SHANK1: variants seen among roughly 807,000 people sequenced by gnomAD.
SHANK1 encodes the protein SH3 and multiple ankyrin repeat domains protein 1.
SHANK1 carries 35 observed loss-of-function variants against 165.6 expected under a neutral mutation model. The ratio of observed to expected loss-of-function variants is 0.21; its 90% CI spans 0.16 to 0.28. The LOEUF (loss-of-function observed/expected upper bound fraction) is 0.28, where lower values mean the gene tolerates loss of function less well. SHANK1 is among the 10% of genes least tolerant of loss of function. The pLI is 1.00. For missense variants in SHANK1, 2,681 were observed against 3,036.4 expected (o/e 0.88, Z 2.75); for synonymous variants, 1,428 against 1,384.8 (o/e 1.03, Z -0.69).
chr19:50,710,808 C>T (rs936858799), intron 8 of SHANK1, among the ~76,000 whole-genome samples: 12 of 152,374 alleles, frequency 7.9e-5, no homozygotes, highest in African/African-American at 2.6e-4. Flanking sequence ...CGTGCCGCCA[C>T]GTGGCACCTG....
Position 50,686,932 on chromosome 19 carries a change from A to C in SHANK1, c.2390-120T>G, listed in dbSNP as rs1386243611. On this transcript the variant is annotated intron_variant, in intron 19 of 23. Coordinates refer to ENST00000293441, the MANE Select transcript of SHANK1 (RefSeq NM_016148.5). This position sits in a 1 kb window ranked among gnomAD's most constrained non-coding sequence, Gnocchi z 5.7. ...TGGGCGTGGCGGGCGCGAGAGGGGCAGTGAGGGGCCGGGGTCAGGGAGGGG... is the reference window on the plus strand; with the variant it reads ...TGGGCGTGGCGGGCGCGAGAGGGGCCGTGAGGGGCCGGGGTCAGGGAGGGG... 8.0e-7 allele frequency: 1 copy of C among 1,255,828 alleles called. No homozygotes were observed. Among genetic ancestry groups the C allele is most frequent in the African/African-American group, 1.6e-5 (1 of 62,352 alleles). 77.8% of individuals were successfully genotyped at this position (1,255,828 alleles called of 1,614,324 possible).
chr19:50,678,048 T>G (rs7258816), intron 21 of SHANK1, among the ~76,000 whole-genome samples: 67,155 of 151,986 alleles, frequency 0.44, 15,145 homozygotes, highest in Admixed American at 0.54. Context: ...GTGAGCCATT[T>G]TACCTGCTAT....
chr19:50,716,097 G>A lies in SHANK1; in HGVS notation c.459+178C>T, dbSNP rs1477561570. ...AAGGCCACTTAGCTGGTCAGAAGCAGAACAGATGGTAATTTGAACTCAGGA... is the reference window on the plus strand; with the variant it reads ...AAGGCCACTTAGCTGGTCAGAAGCAAAACAGATGGTAATTTGAACTCAGGA... On this transcript the variant is annotated intron_variant, in intron 3 of 23. Coordinates refer to ENST00000293441, the MANE Select transcript of SHANK1 (RefSeq NM_016148.5). The surrounding 1 kb of genome is among the most constrained non-coding windows in gnomAD (Gnocchi z 8.4). Among the ~76,000 whole-genome samples the A allele has an allele frequency of 6.6e-6, 1 of 152,232 alleles. No homozygotes were observed. Among genetic ancestry groups the A allele is most frequent in the African/African-American group, 2.4e-5 (1 of 41,460 alleles).
chr19:50,687,902 C>T lies in SHANK1; in HGVS notation c.2308+21G>A, dbSNP rs753935234. The T allele has an allele frequency of 5.8e-5, 94 of 1,613,374 alleles. 1 individual carries two copies. The highest frequency in any genetic ancestry group is 4.8e-4 in the South Asian group (44 of 91,028). ...GAGCCTGGTGGCAGTGGGGTGGCTG[C>T]GAGAGTGGCCGCAGGAGCACCTTTC... is the stretch of plus-strand genomic sequence containing the variant. On this transcript the variant is annotated intron_variant, in intron 18 of 23. Transcript: ENST00000293441.
chr19:50,688,793 G>A lies in SHANK1; in HGVS notation c.2172+51C>T, dbSNP rs552853497. The stretch of plus-strand genomic sequence containing the variant: ...AGATCCTGGTGTGAATCATGAGGGG[G>A]TCTGGGAACTTGTCACAGGGTCCCA... On this transcript the variant is annotated intron_variant, in intron 17 of 23. Transcript: ENST00000293441. The surrounding 1 kb of genome is among the most constrained non-coding windows in gnomAD (Gnocchi z 6.7). The A allele has an allele frequency of 3.2e-6, 5 of 1,574,594 alleles. No homozygotes were observed. The Admixed American group carries it at 5.3e-5, about 17-fold the overall frequency.
rs775411293 is a variant in SHANK1, at chr19:50,686,100, C to T, written c.2577+137G>A. ...TCCAAAGTTGGGAGAAAGGAGGAAA[C>T]CCTAGGATGTGTGTCGCCCCTCCAG... On this transcript the variant is annotated intron_variant, in intron 21 of 23. Coordinates refer to ENST00000293441, the MANE Select transcript of SHANK1 (RefSeq NM_016148.5). The surrounding 1 kb of genome is among the most constrained non-coding windows in gnomAD (Gnocchi z 5.7). 4.3e-6 allele frequency: 2 copies of T among 463,332 alleles called. No homozygotes were observed. The highest frequency in any genetic ancestry group is 7.7e-6 in the Non-Finnish European group (2 of 259,590). The allele number at this position is 463,332 out of a possible 1,614,324, so 28.7% of individuals were successfully genotyped here.
Position 50,702,617 on chromosome 19 carries a change from C to T in SHANK1, c.1597G>A (p.Gly533Ser). 1.3e-6 allele frequency: 2 copies of T among 1,586,554 alleles called. No homozygotes were observed. Among genetic ancestry groups the T allele is most frequent in the East Asian group, 2.3e-5 (1 of 43,564 alleles). ...AGGGAGCCCCCGGGGCCCCCTGAGC[C>T]CCCCGTGCCCCCGGCTGGCCCTTCC... ...PREGPAGGTG[G>S]SGGPGGSLGS... The change falls in exon 12 of 24, where the codon GGC (glycine) becomes AGC (serine). Residue 533 changes from glycine (G) to serine (S), a missense_variant. Transcript: ENST00000293441. The surrounding 1 kb of genome is among the most constrained non-coding windows in gnomAD (Gnocchi z 5.3).
chr19:50,702,395 T>C lies in SHANK1; in HGVS notation c.1747+72A>G. The C allele has an allele frequency of 7.2e-7, 1 of 1,387,934 alleles. No homozygotes were observed. The highest frequency in any genetic ancestry group is 1.4e-5 in the African/African-American group (1 of 69,986). The allele number at this position is 1,387,934 out of a possible 1,614,324, so 86.0% of individuals were successfully genotyped here. A position where few individuals can be genotyped will look rare whatever the true frequency, so the allele number is the denominator to read the frequency against. ...CTCCAGGTGCCCGAGAATGGTCTGCTCTCTGCTCCACATTTTCCCTGATCG... is the reference window on the plus strand; with the variant it reads ...CTCCAGGTGCCCGAGAATGGTCTGCCCTCTGCTCCACATTTTCCCTGATCG... On this transcript the variant is annotated intron_variant, in intron 12 of 23. Coordinates refer to ENST00000293441, the MANE Select transcript of SHANK1 (RefSeq NM_016148.5). This position sits in a 1 kb window ranked among gnomAD's most constrained non-coding sequence, Gnocchi z 5.3.
chr19:50,669,044 C>G lies in SHANK1; in HGVS notation c.2916G>C (p.Gly972=), dbSNP rs775506782. Residue 972 remains glycine, a synonymous_variant, in exon 23 of 24, where the codon GGG becomes GGC. Transcript: ENST00000293441. The stretch of plus-strand genomic sequence containing the variant: ...CCACGCGAGTGTCGGGAGGGGAGGG[C>G]CCGTCAAAGGATGCAGGGGAGGAGG... ...LPASSPASFD[G]PSPPDTRVGS... 96 of 907,720 alleles carry G rather than the reference C, an allele frequency of 1.1e-4. No individual in the cohort carries two copies. Among genetic ancestry groups the G allele is most frequent in the African/African-American group, 1.7e-5 (1 of 57,836 alleles). 56.2% of individuals were successfully genotyped at this position (907,720 alleles called of 1,614,324 possible). A position where few individuals can be genotyped will look rare whatever the true frequency, so the allele number is the denominator to read the frequency against.
Position 50,703,632 on chromosome 19 carries a change from G to T in SHANK1, c.1421C>A (p.Pro474His). 6.5e-7 allele frequency: 1 copy of T among 1,544,458 alleles called. No homozygotes were observed. Among genetic ancestry groups the T allele is most frequent in the Non-Finnish European group, 8.7e-7 (1 of 1,146,684 alleles). ...GCTGAGCTTGGTGGTGGGGGCCGAGGGCTGCGACTGGCCCTGGGACCCTGA... is the reference window on the plus strand; with the variant it reads ...GCTGAGCTTGGTGGTGGGGGCCGAGTGCTGCGACTGGCCCTGGGACCCTGA... Reference protein sequence around the residue: ...PTSGSQGQSQPSAPTTKLSSG... With the variant: ...PTSGSQGQSQHSAPTTKLSSG... Residue 474 changes from proline to histidine, a missense_variant, in exon 11 of 24, where the codon CCC (proline) becomes CAC (histidine). Coordinates refer to ENST00000293441, the MANE Select transcript of SHANK1 (RefSeq NM_016148.5).
rs774314893 is a variant in SHANK1, at chr19:50,662,496, G to T, written c.5955C>A (p.Gly1985=). The T allele has an allele frequency of 2.6e-6, 4 of 1,558,504 alleles. No individual in the cohort carries two copies. In the East Asian group the frequency reaches 7.2e-5, roughly 28 times the overall value. The change falls in exon 24 of 24, where the codon GGC becomes GGA. Residue 1985 remains glycine (G), a synonymous_variant. Transcript: ENST00000293441. The surrounding 1 kb of genome is among the most constrained non-coding windows in gnomAD (Gnocchi z 7.7). ...GAGGGGGCCGCATCTCGAACTCCAC[G>T]CCCTGGAGGTGGCGGGTGGACGTGG... is the stretch of plus-strand genomic sequence containing the variant. ...SSSTSTRHLQ[G]VEFEMRPPLL...
At chr19:50,700,790 A>C (rs1986892459) in intron 12 of SHANK1, among the ~76,000 whole-genome samples, 2 of 152,180 alleles carry the variant, frequency 1.3e-5, no homozygotes, top group South Asian at 2.1e-4. Flanking sequence ...CTCTGGCCTC[A>C]GCTCACCTTT....
rs75331933 is a variant in SHANK1, at chr19:50,714,382, C to T, written c.532-92G>A. 7.0e-4 allele frequency: 727 copies of T among 1,041,114 alleles called. 6 individuals are homozygous for T. In the African/African-American group the frequency reaches 8.4e-3, roughly 12 times the overall value. 64.5% of individuals were successfully genotyped at this position (1,041,114 alleles called of 1,614,324 possible). Reference sequence around the variant, plus strand: ...AGCAGCGACGTCCAGTGAAAATATACGTGGAGTCACATACGCCATTGAAAA... The same window carrying T: ...AGCAGCGACGTCCAGTGAAAATATATGTGGAGTCACATACGCCATTGAAAA... On this transcript the variant is annotated intron_variant, in intron 4 of 23. Transcript: ENST00000293441.
rs1179137385 is a variant in SHANK1 at position 50,715,639 on chromosome 19, T to A, written c.531+20A>T. The A allele has an allele frequency of 6.2e-7, 1 of 1,612,632 alleles. No individual in the cohort carries two copies. The highest frequency in any genetic ancestry group is 1.7e-5 in the Admixed American group (1 of 59,996). The stretch of plus-strand genomic sequence containing the variant: ...GTGGTAGGGGGCTATAGGGGATAGA[T>A]GCCAGCAGGGTTTTCTCACCTTCGT... On this transcript the variant is annotated intron_variant, in intron 4 of 23. Coordinates refer to ENST00000293441, the MANE Select transcript of SHANK1 (RefSeq NM_016148.5).
In SHANK1 at chr19:50,688,795, C is replaced by T; in HGVS notation, c.2172+49G>A. ...ATCCTGGTGTGAATCATGAGGGGGT[C>T]TGGGAACTTGTCACAGGGTCCCAGG... On this transcript the variant is annotated intron_variant, in intron 17 of 23. Transcript: ENST00000293441. This position sits in a 1 kb window ranked among gnomAD's most constrained non-coding sequence, Gnocchi z 6.7. The T allele has an allele frequency of 6.3e-7, 1 of 1,579,376 alleles. No individual in the cohort carries two copies. Among genetic ancestry groups the T allele is most frequent in the Non-Finnish European group, 8.6e-7 (1 of 1,160,020 alleles).
Position 50,697,011 on chromosome 19 carries a change from G to T in SHANK1, c.1964+85C>A. The T allele has an allele frequency of 9.0e-7, 1 of 1,110,944 alleles. No homozygotes were observed. The highest frequency in any genetic ancestry group is 1.4e-6 in the Non-Finnish European group (1 of 723,654). 68.8% of individuals were successfully genotyped at this position (1,110,944 alleles called of 1,614,324 possible). On this transcript the variant is annotated intron_variant, in intron 15 of 23. Transcript: ENST00000293441. The surrounding 1 kb of genome is among the most constrained non-coding windows in gnomAD (Gnocchi z 4.7). ...TCACACACCAAGAAACCTCAGCTCT[G>T]GTCGTGCACACACGTTCACACGCCC...
chr19:50,711,944 C>T lies in SHANK1; in HGVS notation c.960+3G>A, dbSNP rs199880667. The T allele has an allele frequency of 4.3e-6, 7 of 1,613,996 alleles. No individual in the cohort carries two copies. The African/African-American group carries it at 9.3e-5, about 22-fold the overall frequency. ...AGCCCTTCATGGCCTGAATCAGGAG[C>T]ACCTGGTGGATTTCCTGCCAGCCGT... On this transcript the variant is annotated splice_donor_region_variant and intron_variant, in intron 7 of 23. Coordinates refer to ENST00000293441, the MANE Select transcript of SHANK1 (RefSeq NM_016148.5).
Position 50,668,742 on chromosome 19 carries a change from C to A in SHANK1, c.3218G>T (p.Gly1073Val), listed in dbSNP as rs1326863578. The change falls in exon 23 of 24, where the codon GGC becomes GTC. Residue 1073 changes from glycine (G) to valine (V), a missense_variant. Transcript: ENST00000293441. ...SPSHHGSAGGGGGSSQGPALR... is the reference protein window; with the variant it reads ...SPSHHGSAGGVGGSSQGPALR... ...AGCCGGGCCCTGGGAGGAGCCGCCG[C>A]CCCCGCCCGCGCTGCCGTGGTGCGA... 1.6e-6 allele frequency: 2 copies of A among 1,274,904 alleles called. No homozygotes were observed. Among genetic ancestry groups the A allele is most frequent in the African/African-American group, 1.6e-5 (1 of 63,892 alleles). The allele number at this position is 1,274,904 out of a possible 1,614,324, so 79.0% of individuals were successfully genotyped here.
At chr19:50,703,988 G>C in intron 10 of SHANK1, 132 bp downstream of exon 10, 1 of 937,704 alleles carries the variant, frequency 1.1e-6, no homozygotes, top group South Asian at 1.5e-5. Context: ...CCACCATCCA[G>C]ACATTTTTGG....
Sources: gnomAD v4.1 joint callset for allele counts (sites outside exome capture counted in the v4.1 genomes callset) on GRCh38, gnomAD v4.1.1 for gene constraint, Gnocchi (gnomAD v3.1) non-coding constraint, MANE v1.5 for transcripts, NCBI Gene and HGNC (gene_info 2026-07-23, HGNC 2026-07-21) for gene names.